PIP4K2A: variants seen among roughly 807,000 people sequenced by gnomAD.
PIP4K2A encodes phosphatidylinositol 5-phosphate 4-kinase type-2 alpha.
Under a neutral mutation model 42.9 loss-of-function variants are expected in PIP4K2A, and 14 were observed. The ratio of observed to expected loss-of-function variants is 0.33; its 90% CI spans 0.22 to 0.51. The LOEUF is 0.51. Ranked by LOEUF, PIP4K2A falls within the 20% of genes least tolerant of loss-of-function variation. The pLI is 0.97. For missense variants in PIP4K2A, 434 were observed against 519.8 expected (o/e 0.83, Z 1.61); for synonymous variants, 192 against 192.2 (o/e 1.00, Z 0.01).
At chr10:22,619,800 A>G (rs1051262672) in intron 1 of PIP4K2A, among the ~76,000 whole-genome samples, 40 of 152,336 alleles carry the variant, frequency 2.6e-4, no homozygotes, top group Middle Eastern at 3.4e-3. Context: ...GACAAAAATC[A>G]AAGATCCAAG....
At position 22,535,268 on chromosome 10, in the gene PIP4K2A, A is replaced by C. The variant is rs1012400172; in HGVS notation, c.*1933T>G. On this transcript the variant is annotated 3_prime_UTR_variant, in exon 10 of 10. Transcript: ENST00000376573. ...CCACAGTAGAACTTCACAACACAAA[A>C]ACTGATCTGATGCCAGAATTAATGG... 3.9e-5 allele frequency: 6 copies of C among 152,236 alleles called. No individual in the cohort carries two copies. The highest frequency in any genetic ancestry group is 7.3e-5 in the Non-Finnish European group (5 of 68,042). The allele number at this position is 152,236 out of a possible 1,614,324, so 9.4% of individuals were successfully genotyped here. A position where few individuals can be genotyped will look rare whatever the true frequency, so the allele number is the denominator to read the frequency against.
At chr10:22,551,261 A>C (rs1054483300) in intron 6 of PIP4K2A, among the ~76,000 whole-genome samples, 1 of 152,108 alleles carries the variant, frequency 6.6e-6, no homozygotes, top group Admixed American at 6.5e-5. Context: ...ATCCATAATC[A>C]TATCTACTTT....
Position 22,638,105 on chromosome 10 carries a change from A to G in PIP4K2A, c.145-28388T>C, listed in dbSNP as rs534130121. Among the ~76,000 whole-genome samples, 28 of 152,272 alleles carry G rather than the reference A, an allele frequency of 1.8e-4. 1 individual carries two copies. The highest frequency in any genetic ancestry group is 1.4e-3 in the Admixed American group (21 of 15,300). On this transcript the variant is annotated intron_variant, in intron 1 of 9. Transcript: ENST00000376573. ...GTGGAATTTGCACTAATGATCCCCAATGGGGCTCCAGGAAGGCTGCATTTT... is the reference window on the plus strand; with the variant it reads ...GTGGAATTTGCACTAATGATCCCCAGTGGGGCTCCAGGAAGGCTGCATTTT...
At chr10:22,679,523 G>A (rs1408780711) in intron 1 of PIP4K2A, among the ~76,000 whole-genome samples, 1 of 152,108 alleles carries the variant, frequency 6.6e-6, no homozygotes. Context: ...AAACACAGAG[G>A]TACCATATAA....
intron 1 of PIP4K2A, chr10:22,661,645 G>A (rs946624763): frequency 2.0e-5 from 3 of 152,170 alleles, no homozygotes; most frequent in Non-Finnish European, 2.9e-5. Flanking sequence ...TTACTGGTGT[G>A]AGCCACTCAC....
intron 3 of PIP4K2A, among the ~76,000 whole-genome samples, chr10:22,592,375 A>G (rs1837530751): frequency 6.6e-6 from 1 of 152,210 alleles, no homozygotes; most frequent in South Asian, 2.1e-4. Flanking sequence ...ACTCTCAACT[A>G]GTAAACTACT....
At position 22,597,203 on chromosome 10, in the gene PIP4K2A, G is replaced by A. The variant is rs188530828; in HGVS notation, c.340-5422C>T. On this transcript the variant is annotated intron_variant, in intron 3 of 9. Coordinates refer to ENST00000376573, the MANE Select transcript of PIP4K2A (RefSeq NM_005028.5). ...AGAGTAGGAGCTGTCTTCTCTCCACGCAGGAGCTGAGACAGATGTGTTTGT... is the reference window on the plus strand; with the variant it reads ...AGAGTAGGAGCTGTCTTCTCTCCACACAGGAGCTGAGACAGATGTGTTTGT... Among the ~76,000 whole-genome samples, 93 of 152,242 alleles carry A rather than the reference G, an allele frequency of 6.1e-4. 1 individual carries two copies. The highest frequency in any genetic ancestry group is 4.8e-3 in the Admixed American group (74 of 15,304).
At chr10:22,712,503 G>C (rs930936737) in intron 1 of PIP4K2A, among the ~76,000 whole-genome samples, 1 of 151,952 alleles carries the variant, frequency 6.6e-6, no homozygotes, top group Admixed American at 6.6e-5. Context: ...TTTTTAAATT[G>C]TAAGTTTCTA....
At chr10:22,564,097 T>C (rs1467475452) in intron 6 of PIP4K2A, among the ~76,000 whole-genome samples, 1 of 152,218 alleles carries the variant, frequency 6.6e-6, no homozygotes, top group East Asian at 1.9e-4. Context: ...AGGAGGGCAG[T>C]GAACTGTGGT....
At chr10:22,550,805 G>T in intron 6 of PIP4K2A, 33 bp from the exon 7 acceptor site, 2 of 1,363,580 alleles carry the variant, frequency 1.5e-6, no homozygotes, top group Non-Finnish European at 1.0e-6. Context: ...TGACAAAGGC[G>T]CTTGAAGAAA....
At chr10:22,572,100 G>C (rs1837001983) in intron 5 of PIP4K2A, among the ~76,000 whole-genome samples, 2 of 152,166 alleles carry the variant, frequency 1.3e-5, no homozygotes, top group Admixed American at 1.3e-4. Flanking sequence ...GTGTCCTCTT[G>C]TAAGAGCGTG....
chr10:22,675,998 C>T (rs1839549884), intron 1 of PIP4K2A, among the ~76,000 whole-genome samples: 1 of 152,194 alleles, frequency 6.6e-6, no homozygotes, highest in South Asian at 2.1e-4. Context: ...CACACTGTTG[C>T]CATTTCTTTG....
At chr10:22,597,739 G>A (rs1837665737) in intron 3 of PIP4K2A, among the ~76,000 whole-genome samples, 1 of 151,396 alleles carries the variant, frequency 6.6e-6, no homozygotes, top group East Asian at 1.9e-4. Flanking sequence ...AAGCCTAGCA[G>A]AAGACACCAT....
chr10:22,629,700 G>T (rs1389492585), intron 1 of PIP4K2A, among the ~76,000 whole-genome samples: 1 of 152,072 alleles, frequency 6.6e-6, no homozygotes, highest in African/African-American at 2.4e-5. Flanking sequence ...AGCTAAATCA[G>T]TTTCACTAGT....
intron 4 of PIP4K2A, among the ~76,000 whole-genome samples, chr10:22,589,454 G>A (rs977065659): frequency 6.6e-6 from 1 of 152,128 alleles, no homozygotes; most frequent in Admixed American, 6.5e-5. Context: ...AAAAGGAATA[G>A]ATATTATAAA....
chr10:22,602,114 T>C (rs1360125067), intron 3 of PIP4K2A, among the ~76,000 whole-genome samples: 1 of 151,932 alleles, frequency 6.6e-6, no homozygotes, highest in Non-Finnish European at 1.5e-5. Flanking sequence ...AGACCTCGGG[T>C]GGGTGCAGTG....
chr10:22,681,973 T>C (rs1396261958), intron 1 of PIP4K2A, among the ~76,000 whole-genome samples: 1 of 152,198 alleles, frequency 6.6e-6, no homozygotes, highest in East Asian at 1.9e-4. Context: ...ATTTTCACAT[T>C]ATGAAATACT....
intron 6 of PIP4K2A, among the ~76,000 whole-genome samples, chr10:22,563,607 C>T (rs1836764499): frequency 6.6e-6 from 1 of 152,100 alleles, no homozygotes; most frequent in Non-Finnish European, 1.5e-5. Context: ...TGATAATATG[C>T]CCTTAAAGGA....
rs1554792193 is a variant in PIP4K2A at position 22,539,922 on chromosome 10, A to AGAGG, written c.1140+48_1140+49insCCTC. ...GAGAGAGAGAGAGAGGGAGAGAGAG[A>AGAGG]GAGAGAGAGGGAGAGAAAGAGAGAA... is the stretch of plus-strand genomic sequence containing the variant. On this transcript the variant is annotated intron_variant, in intron 9 of 9. Coordinates refer to ENST00000376573, the MANE Select transcript of PIP4K2A (RefSeq NM_005028.5). 8 of 981,904 alleles carry AGAGG rather than the reference A, an allele frequency of 8.1e-6. No homozygotes were observed. The African/African-American group carries it at 1.2e-4, about 14-fold the overall frequency. 60.8% of individuals were successfully genotyped at this position (981,904 alleles called of 1,614,324 possible).
Sources: gnomAD v4.1 joint callset for allele counts (sites outside exome capture counted in the v4.1 genomes callset) on GRCh38, gnomAD v4.1.1 for gene constraint, MANE v1.5 for transcripts, NCBI Gene and HGNC (gene_info 2026-07-23, HGNC 2026-07-21) for gene names.